Variants in ZC3H18 observed in about 807,000 individuals in gnomAD.
ZC3H18 encodes the protein zinc finger CCCH domain-containing protein 18.
In ZC3H18, 8 loss-of-function variants were observed where a neutral mutation model predicts 106.1. The ratio of observed to expected loss-of-function variants is 0.08; its 90% CI spans 0.04 to 0.14. The LOEUF (loss-of-function observed/expected upper bound fraction) is 0.14. ZC3H18 is among the 10% of genes least tolerant of loss of function. The pLI, the probability that ZC3H18 is intolerant of heterozygous loss-of-function variation, is 1.00. For synonymous variants in ZC3H18, 635 were observed against 522.1 expected, an observed-to-expected ratio of 1.22 and a Z score of -2.95; for missense variants, 1,318 against 1,278.4, an observed-to-expected ratio of 1.03 and a Z score of -0.47.
At chr16:88,591,899 T>C (rs1384695611) in intron 3 of ZC3H18, among the ~76,000 whole-genome samples, 4 of 152,236 alleles carry the variant, frequency 2.6e-5, no homozygotes, top group African/African-American at 7.2e-5. Context: ...CTGGTGGTTG[T>C]GTGTTTCATC....
chr16:88,588,887 G>GA lies in ZC3H18; in HGVS notation c.688+2214dup, dbSNP rs927682760. ...GGGCGACAGTGAGACTCAGTCTCTTGAAAAAAAAAAAGTCAGAAGCTAGAT... is the reference window on the plus strand; with the variant it reads ...GGGCGACAGTGAGACTCAGTCTCTTGAAAAAAAAAAAAGTCAGAAGCTAGAT... On this transcript the variant is annotated intron_variant, in intron 3 of 17. Transcript: ENST00000301011. Among the ~76,000 whole-genome samples, 302 of 145,744 alleles carry GA rather than the reference G, an allele frequency of 2.1e-3. 1 individual carries two copies. The highest frequency in any genetic ancestry group is 8.3e-3 in the South Asian group (38 of 4,584).
Position 88,630,765 on chromosome 16 carries a change from CACA to C in ZC3H18, c.2663+185_2663+187del, listed in dbSNP as rs763521601. 2.6e-3 allele frequency among the ~76,000 whole-genome samples: 268 copies of C among 102,020 alleles called. 9 individuals are homozygous for C. Among genetic ancestry groups the C allele is most frequent in the Middle Eastern group, 9.0e-3 (2 of 222 alleles). The allele number at this position is 102,020 out of a possible 152,430, so 66.9% of individuals were successfully genotyped here. A position where few individuals can be genotyped will look rare whatever the true frequency, so the allele number is the denominator to read the frequency against. ...TGCAGCCCCACCCCCCACCCCCCCCCACACACACACACACGCTCCTGCCCTGGT... is the reference window on the plus strand; with the variant it reads ...TGCAGCCCCACCCCCCACCCCCCCCCCACACACACACGCTCCTGCCCTGGT... On this transcript the variant is annotated intron_variant, in intron 17 of 17. Transcript: ENST00000301011.
At position 88,628,841 on chromosome 16, in the gene ZC3H18, A is replaced by G. The variant is rs771272663; in HGVS notation, c.2553A>G (p.Thr851=). The part of the protein sequence containing the change: ...QSPPPAKRPN[T]SPDRGSRDRK... ...CTCCTCCAGCCAAGCGGCCCAACAC[A>G]TCCCCAGACCGAGGTGAGCCTCCCA... The change falls in exon 16 of 18, where the codon ACA becomes ACG. Residue 851 remains threonine (T), a synonymous_variant. Transcript: ENST00000301011. The G allele has an allele frequency of 6.2e-7, 1 of 1,614,010 alleles. No individual in the cohort carries two copies. Among genetic ancestry groups the G allele is most frequent in the South Asian group, 1.1e-5 (1 of 91,088 alleles).
intron 11 of ZC3H18, chr16:88,624,272 ACCCTGGGGACAGAGCACAG>A: frequency 1.4e-6 from 1 of 715,556 alleles, no homozygotes; most frequent in Non-Finnish European, 2.3e-6. Context: ...TCCCTCGGGA[ACCCTGGGGACAGAGCACAG>A]CCCTGGGGAC....
Position 88,577,573 on chromosome 16 carries a change from G to C in ZC3H18, c.450G>C (p.Ala150=). The C allele has an allele frequency of 3.7e-6, 6 of 1,613,608 alleles. No homozygotes were observed. Among genetic ancestry groups the C allele is most frequent in the South Asian group, 1.1e-5 (1 of 91,080 alleles). ...PAVQEDEAEK[A]GAEDDEEKGE... is the part of the protein sequence containing the mutation. The stretch of plus-strand genomic sequence containing the variant: ...TCCAGGAGGACGAGGCTGAGAAAGC[G>C]GGGGCTGAGGATGATGAGGAGAAAG... The change falls in exon 2 of 18, where the codon GCG becomes GCC. Residue 150 remains alanine (A), a synonymous_variant. Transcript: ENST00000301011.
At chr16:88,578,877 G>A (rs1408855860) in intron 2 of ZC3H18, among the ~76,000 whole-genome samples, 1 of 152,136 alleles carries the variant, frequency 6.6e-6, no homozygotes, top group African/African-American at 2.4e-5. Context: ...TCGTAGAGAT[G>A]AGGTGTCGCC....
At chr16:88,594,394 C>A (rs1421437275) in intron 3 of ZC3H18, among the ~76,000 whole-genome samples, 1 of 152,270 alleles carries the variant, frequency 6.6e-6, no homozygotes, top group South Asian at 2.1e-4. Context: ...TTGATATTTA[C>A]TGTATTCAAA....
chr16:88,608,779 T>A, intron 6 of ZC3H18, 155 bp from the exon 7 acceptor site: 1 of 581,080 alleles, frequency 1.7e-6, no homozygotes, highest in Non-Finnish European at 3.1e-6. Flanking sequence ...AGATGTAGTT[T>A]GTGAACAGAT....
In ZC3H18 at chr16:88,623,211, C is replaced by A; in HGVS notation, c.1668-8C>A. 6.2e-7 allele frequency: 1 copy of A among 1,611,626 alleles called. No homozygotes were observed. The highest frequency in any genetic ancestry group is 8.5e-7 in the Non-Finnish European group (1 of 1,179,754). ...ACTTCTCGCCACGCTCCGTCCCGCC[C>A]GCCCCAGGTCGTCTTCGCGGTCATC... On this transcript the variant is annotated splice_region_variant and splice_polypyrimidine_tract_variant and intron_variant, in intron 9 of 17. Transcript: ENST00000301011.
chr16:88,628,650 C>T, intron 15 of ZC3H18, 108 bp from the exon 16 acceptor site: 1 of 1,223,182 alleles, frequency 8.2e-7, no homozygotes, highest in Non-Finnish European at 1.2e-6. Flanking sequence ...GTGGTGGGAC[C>T]TTTGGGAGCA....
chr16:88,601,461 G>A (rs1336410847), intron 6 of ZC3H18, among the ~76,000 whole-genome samples: 1 of 152,146 alleles, frequency 6.6e-6, no homozygotes, highest in East Asian at 1.9e-4. Flanking sequence ...CCTGGCTGGA[G>A]CAGGGACCGG....
chr16:88,580,010 T>G (rs1915008437), intron 2 of ZC3H18, among the ~76,000 whole-genome samples: 1 of 152,086 alleles, frequency 6.6e-6, no homozygotes, highest in Non-Finnish European at 1.5e-5. Context: ...GGCCCCTGGG[T>G]TGCTTGCCCC....
At chr16:88,583,352 A>G (rs1367075107) in intron 2 of ZC3H18, among the ~76,000 whole-genome samples, 1 of 152,106 alleles carries the variant, frequency 6.6e-6, no homozygotes, top group Non-Finnish European at 1.5e-5. Context: ...GAAATGGAGG[A>G]CTCAGGCGCG....
intron 1 of ZC3H18, among the ~76,000 whole-genome samples, chr16:88,572,399 GCAC>G (rs1914465903): frequency 6.6e-6 from 1 of 151,766 alleles, no homozygotes; most frequent in Non-Finnish European, 1.5e-5. Context: ...CTCCTCCTGG[GCAC>G]TTATTTTAAA....
chr16:88,608,870 C>T lies in ZC3H18; in HGVS notation c.1089-64C>T, dbSNP rs929512564. 15 of 1,335,756 alleles carry T rather than the reference C, an allele frequency of 1.1e-5. 1 individual carries two copies. The highest frequency in any genetic ancestry group is 7.3e-5 in the African/African-American group (5 of 68,896). The allele number at this position is 1,335,756 out of a possible 1,614,324, so 82.7% of individuals were successfully genotyped here. The stretch of plus-strand genomic sequence containing the variant: ...CTGTTACTTTCTGTCCCTAATGTTT[C>T]GTGTGGTCTTTTTACGCCAGTGCTC... On this transcript the variant is annotated intron_variant, in intron 6 of 17. Transcript: ENST00000301011.
intron 2 of ZC3H18, 73 bp from the exon 3 acceptor site, chr16:88,586,527 C>T (rs181924665): frequency 2.4e-6 from 3 of 1,260,298 alleles, no homozygotes; most frequent in Admixed American, 3.4e-5. Context: ...GCTTCCTGCC[C>T]CTTCTGGTTT....
chr16:88,623,222 G>C lies in ZC3H18; in HGVS notation c.1671G>C (p.Ser557=). ...CGCTCCGTCCCGCCCGCCCCAGGTC[G>C]TCTTCGCGGTCATCGTCCTACTCTG... ...SSASASNSSR[S]SSRSSSYSGS... Residue 557 remains serine, a synonymous_variant, in exon 10 of 18, where the codon TCG becomes TCC. Transcript: ENST00000301011. 6.2e-7 allele frequency: 1 copy of C among 1,612,504 alleles called. No individual in the cohort carries two copies.
rs546801121 is a variant in ZC3H18, at chr16:88,631,501, G to C, written c.*202G>C. The C allele has an allele frequency of 2.8e-6, 2 of 727,234 alleles. No homozygotes were observed. Among genetic ancestry groups the C allele is most frequent in the Admixed American group, 2.2e-5 (1 of 45,036 alleles). 45.0% of individuals were successfully genotyped at this position (727,234 alleles called of 1,614,324 possible). A position where few individuals can be genotyped will look rare whatever the true frequency, so the allele number is the denominator to read the frequency against. ...CCTCCCTCCCCAGAGCAGAAGTCCC[G>C]CAGGACAGACAGACACAGACAGCGC... On this transcript the variant is annotated 3_prime_UTR_variant, in exon 18 of 18. Transcript: ENST00000301011.
rs527497925 is a variant in ZC3H18 at position 88,624,003 on chromosome 16, C to T, written c.1839C>T (p.Ser613=). The change falls in exon 11 of 18, where the codon TCC becomes TCT. Residue 613 remains serine, a synonymous_variant. Coordinates refer to ENST00000301011, the MANE Select transcript of ZC3H18 (RefSeq NM_144604.4). ...SSSPSPSPTP[S]PHRPSIRTKG... is the part of the protein sequence containing the mutation. ...CCCCGTCCCCGTCCCCAACACCTTC[C>T]CCACATAGACCTTCCATCAGAACCA... is the stretch of plus-strand genomic sequence containing the variant. 4 of 1,614,080 alleles carry T rather than the reference C, an allele frequency of 2.5e-6. No homozygotes were observed. In the Admixed American group the frequency reaches 5.0e-5, roughly 20 times the overall value.
Sources: allele counts gnomAD v4.1 joint callset (sites outside exome capture counted in the v4.1 genomes callset), GRCh38; gene constraint gnomAD v4.1.1; transcripts MANE v1.5; gene names NCBI Gene and HGNC (gene_info 2026-07-23, HGNC 2026-07-21).